TRHDE: variants seen among roughly 807,000 people sequenced by gnomAD.
The protein encoded by TRHDE is thyrotropin-releasing hormone-degrading ectoenzyme.
Under a neutral mutation model 125.7 loss-of-function variants are expected in TRHDE, and 72 were observed. The observed-to-expected ratio is 0.57, with a 90% confidence interval of 0.47 to 0.70. TRHDE has a LOEUF of 0.70. TRHDE is among the 30% of genes least tolerant of loss of function. The pLI is 0.00. For synonymous variants in TRHDE, 509 were observed against 509.1 expected (o/e 1.00, Z 0.00); for missense variants, 1,110 against 1,327.1 (o/e 0.84, Z 2.54).
At chr12:72,608,802 A>G (rs1157824131) in intron 12 of TRHDE, among the ~76,000 whole-genome samples, 5 of 152,170 alleles carry the variant, frequency 3.3e-5, no homozygotes, top group African/African-American at 7.2e-5. Context: ...AGAACATGGT[A>G]AAGAGAATAA....
intron 5 of TRHDE, among the ~76,000 whole-genome samples, chr12:72,492,962 G>T (rs979308414): frequency 1.3e-5 from 2 of 151,738 alleles, no homozygotes; most frequent in Non-Finnish European, 3.0e-5. Flanking sequence ...CCATCACATG[G>T]CATTAATGGG....
chr12:72,167,507 C>G (rs1442947612), intron 2 of TRHDE: 2 of 152,150 alleles, frequency 1.3e-5, no homozygotes, highest in African/African-American at 4.8e-5. Flanking sequence ...CCACACAATA[C>G]TTTTTCTGAC....
chr12:72,517,616 T>G (rs1349965933), intron 6 of TRHDE, among the ~76,000 whole-genome samples: 1 of 152,168 alleles, frequency 6.6e-6, no homozygotes, highest in Non-Finnish European at 1.5e-5. Context: ...CATTAATTTT[T>G]TGAAGGGTTT....
At chr12:72,408,138 C>T (rs1019179200) in intron 3 of TRHDE, among the ~76,000 whole-genome samples, 8 of 152,130 alleles carry the variant, frequency 5.3e-5, no homozygotes, top group African/African-American at 1.9e-4. Context: ...TATAAGAAAC[C>T]TACTTGCATG....
intron 2 of TRHDE, chr12:72,262,975 T>C (rs917216594): frequency 2.6e-5 from 4 of 152,114 alleles, no homozygotes; most frequent in Non-Finnish European, 5.9e-5. Flanking sequence ...AGACAGATCA[T>C]AAAAACCATT....
intron 2 of TRHDE, among the ~76,000 whole-genome samples, chr12:72,169,824 T>G (rs1255436569): frequency 6.6e-6 from 1 of 152,200 alleles, no homozygotes; most frequent in African/African-American, 2.4e-5. Flanking sequence ...ATAGTCATTC[T>G]TGGGGTTAGA....
chr12:72,373,592 G>A (rs1871722212), intron 2 of TRHDE, among the ~76,000 whole-genome samples: 1 of 152,176 alleles, frequency 6.6e-6, no homozygotes, highest in South Asian at 2.1e-4. Flanking sequence ...GCTAAATGGT[G>A]GTAAGTGTTT....
At chr12:72,134,325 G>A (rs1292517917) in intron 2 of TRHDE, among the ~76,000 whole-genome samples, 4 of 151,880 alleles carry the variant, frequency 2.6e-5, no homozygotes, top group Non-Finnish European at 5.9e-5. Context: ...CTATTGCCCC[G>A]GCTGGAGAAA....
At chr12:72,617,214 A>G (rs1271467087) in intron 12 of TRHDE, among the ~76,000 whole-genome samples, 1 of 152,122 alleles carries the variant, frequency 6.6e-6, no homozygotes, top group African/African-American at 2.4e-5. Flanking sequence ...TGAAATCTGA[A>G]GTTTGCTCAC....
intron 2 of TRHDE, among the ~76,000 whole-genome samples, chr12:72,209,800 CT>C (rs1441515627): frequency 6.6e-6 from 1 of 152,142 alleles, no homozygotes; most frequent in Non-Finnish European, 1.5e-5. Flanking sequence ...CAAATTATGG[CT>C]TACAAGAACA....
At chr12:72,170,940 C>G (rs544183958) in intron 2 of TRHDE, among the ~76,000 whole-genome samples, 35 of 152,232 alleles carry the variant, frequency 2.3e-4, no homozygotes, top group African/African-American at 7.9e-4. Flanking sequence ...GGAAGCTAAT[C>G]TATTCGAGAG....
chr12:72,434,590 A>G (rs1304073757), intron 3 of TRHDE, among the ~76,000 whole-genome samples: 6 of 152,118 alleles, frequency 3.9e-5, no homozygotes, highest in African/African-American at 1.2e-4. Flanking sequence ...ATTCCTGTCA[A>G]AAATAAAGGT....
At chr12:72,469,729 C>G in intron 3 of TRHDE, 29 bp from the exon 4 acceptor site, 1 of 1,607,800 alleles carries the variant, frequency 6.2e-7, no homozygotes, top group Non-Finnish European at 8.5e-7. Flanking sequence ...TTTGTTAAAG[C>G]CTTTGGAACT....
chr12:72,632,567 A>T (rs1347933648), intron 15 of TRHDE, among the ~76,000 whole-genome samples: 1 of 151,836 alleles, frequency 6.6e-6, no homozygotes. Flanking sequence ...CCTGCTGTTC[A>T]GTGTTTTAGA....
rs578113333 is a variant in TRHDE at position 72,170,671 on chromosome 12, A to C, written n.279+64919A>C. ...CGACTCAAAAGGTCTGGGGTGGATG[A>C]AGAGTTTGCTCTTGTAACAAGTTTT... On this transcript the variant is annotated intron_variant and non_coding_transcript_variant, in intron 2 of 4. Coordinates refer to the TRHDE transcript ENST00000548156. Among the ~76,000 whole-genome samples, 320 of 152,266 alleles carry C rather than the reference A, an allele frequency of 2.1e-3. 1 individual carries two copies. Among genetic ancestry groups the C allele is most frequent in the African/African-American group, 7.6e-3 (315 of 41,554 alleles).
intron 6 of TRHDE, among the ~76,000 whole-genome samples, chr12:72,538,229 T>C (rs1868964965): frequency 6.6e-6 from 1 of 152,004 alleles, no homozygotes; most frequent in African/African-American, 2.4e-5. Context: ...CACCCACAAG[T>C]CTATTTAAAT....
chr12:72,324,455 G>A (rs913900797), intron 2 of TRHDE, among the ~76,000 whole-genome samples: 1 of 152,054 alleles, frequency 6.6e-6, no homozygotes, highest in African/African-American at 2.4e-5. Flanking sequence ...AGGTAAAAAC[G>A]TCATGAAGGA....
rs904259947 is a variant in TRHDE at position 72,662,906 on chromosome 12, A to G, written c.3067-146A>G. 18 of 729,020 alleles carry G rather than the reference A, an allele frequency of 2.5e-5. No individual in the cohort carries two copies. The African/African-American group carries it at 3.3e-4, about 13-fold the overall frequency. The allele number at this position is 729,020 out of a possible 1,614,324, so 45.2% of individuals were successfully genotyped here. ...TCAGTTGCCAAGCTCACTCCACAGT[A>G]CTAAATATATCTTCTATAGTGGTCA... On this transcript the variant is annotated intron_variant, in intron 18 of 18. Transcript: ENST00000261180.
intron 2 of TRHDE, among the ~76,000 whole-genome samples, chr12:72,302,091 A>G (rs1354200241): frequency 6.6e-6 from 1 of 152,178 alleles, no homozygotes; most frequent in Non-Finnish European, 1.5e-5. Flanking sequence ...AAGTACGTTC[A>G]TTTATGATTC....
Sources: gnomAD v4.1 joint callset for allele counts (sites outside exome capture counted in the v4.1 genomes callset) on GRCh38, gnomAD v4.1.1 for gene constraint, MANE v1.5 for transcripts, NCBI Gene and HGNC (gene_info 2026-07-23, HGNC 2026-07-21) for gene names.